Variants in MCF2L2 observed in about 807,000 individuals in gnomAD.
MCF2L2 encodes MCF.2 cell line derived transforming sequence-like 2.
In MCF2L2, 102 loss-of-function variants were observed where a neutral mutation model predicts 150.2. The ratio of observed to expected loss-of-function variants is 0.68; its 90% confidence interval spans 0.58 to 0.80. The LOEUF is 0.80. MCF2L2 is among the 30% of genes least tolerant of loss of function. The pLI is 0.00. For synonymous variants in MCF2L2, 465 were observed against 491.3 expected (o/e 0.95, Z 0.71); for missense variants, 1,256 against 1,372.8 (o/e 0.91, Z 1.34).
At chr3:183,366,492 A>G (rs557197074) in intron 3 of MCF2L2, among the ~76,000 whole-genome samples, 1 of 152,220 alleles carries the variant, frequency 6.6e-6, no homozygotes, top group South Asian at 2.1e-4. Context: ...TAAAAATACA[A>G]AACTTAGCTA....
chr3:183,206,163 C>T lies in MCF2L2; in HGVS notation c.2764G>A (p.Glu922Lys). 6.2e-7 allele frequency: 1 copy of T among 1,614,178 alleles called. No individual in the cohort carries two copies. The highest frequency in any genetic ancestry group is 8.5e-7 in the Non-Finnish European group (1 of 1,180,030). The change falls in exon 24 of 30, where the codon GAG becomes AAG. Residue 922 changes from glutamate (E) to lysine (K), a missense_variant. Coordinates refer to ENST00000328913, the MANE Select transcript of MCF2L2 (RefSeq NM_015078.4). ...QLGRGSHRKF[E>K]IASRNGLEKY... is the part of the protein sequence containing the mutation. The stretch of plus-strand genomic sequence containing the variant: ...TCAAGTCCATTTCGACTGGCAATCT[C>T]AAACTTTCTATGGCTCCCCCTTCCA...
chr3:183,422,491 C>T (rs1380850331), intron 1 of MCF2L2, among the ~76,000 whole-genome samples: 1 of 152,178 alleles, frequency 6.6e-6, no homozygotes, highest in African/African-American at 2.4e-5. Flanking sequence ...TCTCAGCCCG[C>T]TGTACCTGGG....
chr3:183,336,322 T>A (rs1003764484), intron 5 of MCF2L2, among the ~76,000 whole-genome samples: 1 of 152,178 alleles, frequency 6.6e-6, no homozygotes, highest in South Asian at 2.1e-4. Context: ...ACAAAGGGCA[T>A]GTGATATTCT....
intron 15 of MCF2L2, among the ~76,000 whole-genome samples, chr3:183,251,903 C>T (rs1196451518): frequency 6.6e-6 from 1 of 151,420 alleles, no homozygotes; most frequent in Non-Finnish European, 1.5e-5. Context: ...CTCCTTCACA[C>T]CCTCTCATCT....
chr3:183,312,468 G>GA (rs1729423030), intron 7 of MCF2L2, among the ~76,000 whole-genome samples: 2 of 152,182 alleles, frequency 1.3e-5, no homozygotes, highest in Non-Finnish European at 2.9e-5. Context: ...TACCCATAAA[G>GA]AAAGTCCAGA....
chr3:183,294,637 T>A (rs1402284184), intron 13 of MCF2L2, among the ~76,000 whole-genome samples: 8 of 146,098 alleles, frequency 5.5e-5, no homozygotes, highest in Admixed American at 2.1e-4. Flanking sequence ...ATATATATTT[T>A]TTTTTTTTTG....
intron 1 of MCF2L2, among the ~76,000 whole-genome samples, chr3:183,416,050 CTA>C (rs1715571798): frequency 6.6e-6 from 1 of 151,708 alleles, no homozygotes; most frequent in Admixed American, 6.6e-5. Context: ...AGTGGTTATT[CTA>C]TAGTTTTTCA....
At chr3:183,209,985 G>C (rs1722634761) in intron 22 of MCF2L2, among the ~76,000 whole-genome samples, 1 of 150,972 alleles carries the variant, frequency 6.6e-6, no homozygotes, top group African/African-American at 2.4e-5. Flanking sequence ...TTTTGGCTAA[G>C]GGATATTCAA....
rs60311053 is a variant in MCF2L2, at chr3:183,351,190, G to GTATA, written c.276-9564_276-9561dup. ...GTGTGTGTGATATTTATTTTCTTAAGTATATATATATATATATATATATAT... is the reference window on the plus strand; with the variant it reads ...GTGTGTGTGATATTTATTTTCTTAAGTATATATATATATATATATATATATATAT... On this transcript the variant is annotated intron_variant, in intron 3 of 29. Transcript: ENST00000328913. Among the ~76,000 whole-genome samples, 350 of 38,644 alleles carry GTATA rather than the reference G, an allele frequency of 9.1e-3. 5 individuals are homozygous for GTATA. Among genetic ancestry groups the GTATA allele is most frequent in the Non-Finnish European group, 0.012 (228 of 19,560 alleles). The allele number at this position is 38,644 out of a possible 152,430, so 25.4% of individuals were successfully genotyped here.
At chr3:183,209,077 C>G (rs1055166322) in intron 22 of MCF2L2, among the ~76,000 whole-genome samples, 3 of 152,222 alleles carry the variant, frequency 2.0e-5, no homozygotes, top group Admixed American at 6.5e-5. Context: ...TCTGTGTTAA[C>G]AGTTCACCAC....
intron 13 of MCF2L2, among the ~76,000 whole-genome samples, chr3:183,289,579 G>A (rs1448875506): frequency 6.6e-6 from 1 of 152,198 alleles, no homozygotes; most frequent in African/African-American, 2.4e-5. Flanking sequence ...CTTTTGGCTG[G>A]GTTTGGTGGC....
At chr3:183,346,914 A>G (rs546137859) in intron 3 of MCF2L2, among the ~76,000 whole-genome samples, 65 of 152,348 alleles carry the variant, frequency 4.3e-4, no homozygotes, top group Admixed American at 1.4e-3. Context: ...GAGAGGACCC[A>G]AACAAATGGA....
chr3:183,329,069 C>A (rs1730163657), intron 5 of MCF2L2, among the ~76,000 whole-genome samples: 1 of 152,208 alleles, frequency 6.6e-6, no homozygotes, highest in South Asian at 2.1e-4. Context: ...AATTCACATA[C>A]ATTGCTGGTG....
intron 21 of MCF2L2, among the ~76,000 whole-genome samples, chr3:183,218,238 G>C (rs999068751): frequency 6.6e-6 from 1 of 152,216 alleles, no homozygotes; most frequent in Non-Finnish European, 1.5e-5. Context: ...TCTGAAAAAC[G>C]TATCATGGAT....
intron 2 of MCF2L2, among the ~76,000 whole-genome samples, chr3:183,387,044 C>T (rs1162019604): frequency 6.6e-6 from 1 of 152,048 alleles, no homozygotes; most frequent in East Asian, 1.9e-4. Flanking sequence ...CTGTTTGAGC[C>T]CAGGAGTTCC....
In MCF2L2 at chr3:183,309,737, T is replaced by A. The variant is rs1194388814; in HGVS notation, c.1092A>T (p.Lys364Asn). 1 of 1,613,986 alleles carries A rather than the reference T, an allele frequency of 6.2e-7. No individual in the cohort carries two copies. The highest frequency in any genetic ancestry group is 2.2e-5 in the East Asian group (1 of 44,842). Residue 364 changes from lysine to asparagine, a missense_variant, in exon 10 of 30, where the codon AAA (lysine) becomes AAT (asparagine). Coordinates refer to ENST00000328913, the MANE Select transcript of MCF2L2 (RefSeq NM_015078.4). The stretch of plus-strand genomic sequence containing the variant: ...AAACCTGGCTTTTTTCCTCCAGTTT[T>A]TTGTGTTCCTTAAGAATCTGCTCCA... ...MHVEQILKEH[K>N]KLEEKSQEPL...
intron 15 of MCF2L2, among the ~76,000 whole-genome samples, chr3:183,245,769 T>C (rs1374385863): frequency 6.6e-6 from 1 of 152,222 alleles, no homozygotes; most frequent in East Asian, 1.9e-4. Flanking sequence ...ACGAGGATCA[T>C]ATTGAAACCA....
At chr3:183,261,322 G>A (rs6771129) in intron 15 of MCF2L2, among the ~76,000 whole-genome samples, 6,767 of 152,184 alleles carry the variant, frequency 0.044, 503 homozygotes, top group African/African-American at 0.16. Context: ...AACAGATGAC[G>A]AGAAGAAGCC....
At position 183,419,250 on chromosome 3, in the gene MCF2L2, C is replaced by A. The variant is rs376893750; in HGVS notation, c.76+8652G>T. Among the ~76,000 whole-genome samples the A allele has an allele frequency of 4.6e-5, 7 of 152,310 alleles. No individual in the cohort carries two copies. In the East Asian group the frequency reaches 1.4e-3, roughly 29 times the overall value. ...TCACAAGGCTACACAGAGCAGTGGACCCCTGGGCCCGGCCCATACAACCAT... is the reference window on the plus strand; with the variant it reads ...TCACAAGGCTACACAGAGCAGTGGAACCCTGGGCCCGGCCCATACAACCAT... On this transcript the variant is annotated intron_variant, in intron 1 of 29. Transcript: ENST00000328913.
Sources: gnomAD v4.1 joint callset for allele counts (sites outside exome capture counted in the v4.1 genomes callset) on GRCh38, gnomAD v4.1.1 for gene constraint, MANE v1.5 for transcripts, NCBI Gene and HGNC (gene_info 2026-07-23, HGNC 2026-07-21) for gene names.